TANC2: variants seen among roughly 807,000 people sequenced by gnomAD.
The protein encoded by TANC2 is protein TANC2.
In TANC2, 26 loss-of-function variants were observed where a neutral mutation model predicts 210.5. The ratio of observed to expected loss-of-function variants is 0.12; its 90% confidence interval spans 0.09 to 0.17. The LOEUF (loss-of-function observed/expected upper bound fraction) is 0.17, where lower values mean the gene tolerates loss of function less well. Ranked by LOEUF, TANC2 falls within the 10% of genes least tolerant of loss-of-function variation. TANC2 has a pLI of 1.00. For missense variants in TANC2, 2,129 were observed against 2,608.9 expected, an observed-to-expected ratio of 0.82 and a Z score of 4.01; for synonymous variants, 931 against 967.1, an observed-to-expected ratio of 0.96 and a Z score of 0.69.
intron 7 of TANC2, among the ~76,000 whole-genome samples, chr17:63,218,288 G>A (rs543260569): frequency 2.0e-5 from 3 of 151,790 alleles, no homozygotes; most frequent in Non-Finnish European, 2.9e-5. Context: ...AAAAAAAATC[G>A]ACAAAAAGTT....
intron 2 of TANC2, among the ~76,000 whole-genome samples, chr17:63,056,395 A>G (rs757305621): frequency 6.6e-6 from 1 of 152,010 alleles, no homozygotes; most frequent in Non-Finnish European, 1.5e-5. Context: ...AAAATTAAGG[A>G]TGCTGGGTGT....
chr17:63,019,852 C>T (rs74388947), intron 2 of TANC2, among the ~76,000 whole-genome samples: 2,456 of 152,134 alleles, frequency 0.016, 38 homozygotes, highest in Non-Finnish European at 0.019. Flanking sequence ...TTTGAGAGTT[C>T]GCTATATATT....
intron 2 of TANC2, among the ~76,000 whole-genome samples, chr17:63,058,132 G>A (rs1338591108): frequency 2.0e-5 from 3 of 152,294 alleles, no homozygotes; most frequent in Admixed American, 2.0e-4. Flanking sequence ...CATTCTGACT[G>A]TGTGAGATGG....
chr17:63,413,789 G>C (rs140101646), intron 25 of TANC2, among the ~76,000 whole-genome samples, 155 bp downstream of exon 25: 1 of 152,130 alleles, frequency 6.6e-6, no homozygotes, highest in Non-Finnish European at 1.5e-5. Flanking sequence ...GGGATCCTGG[G>C]GTTCTGCCTT....
chr17:63,160,435 A>G (rs1461806791), intron 5 of TANC2, among the ~76,000 whole-genome samples: 2 of 152,230 alleles, frequency 1.3e-5, no homozygotes, highest in African/African-American at 2.4e-5. Flanking sequence ...CATGTTTTGA[A>G]ATTGACTTTT....
intron 1 of TANC2, among the ~76,000 whole-genome samples, chr17:62,981,940 A>G (rs2032323204): frequency 6.6e-6 from 1 of 151,888 alleles, no homozygotes; most frequent in Non-Finnish European, 1.5e-5. Flanking sequence ...CTGTGGAGTC[A>G]GGATACATCA....
At chr17:63,183,028 T>C (rs1403447579) in intron 5 of TANC2, among the ~76,000 whole-genome samples, 1 of 152,118 alleles carries the variant, frequency 6.6e-6, no homozygotes, top group Non-Finnish European at 1.5e-5. Context: ...AGTCCCTATT[T>C]GTCTTAAACT....
chr17:62,973,153 C>T (rs2031806423), intron 1 of TANC2, among the ~76,000 whole-genome samples: 1 of 152,056 alleles, frequency 6.6e-6, no homozygotes, highest in Admixed American at 6.5e-5. Context: ...CCTCAGCCTC[C>T]TGAGTAGCTG....
chr17:63,337,389 T>G (rs1411778415), intron 11 of TANC2, among the ~76,000 whole-genome samples: 2 of 151,988 alleles, frequency 1.3e-5, no homozygotes, highest in African/African-American at 4.8e-5. Context: ...TTATTAATTT[T>G]TACAAGAAAA....
At chr17:63,328,384 G>GTT (rs2045724655) in intron 11 of TANC2, among the ~76,000 whole-genome samples, 1 of 150,272 alleles carries the variant, frequency 6.7e-6, no homozygotes, top group African/African-American at 2.5e-5. Context: ...ATATGTGTGT[G>GTT]TGTGTGTGTG....
At chr17:63,192,478 C>T (rs1410434279) in intron 5 of TANC2, among the ~76,000 whole-genome samples, 3 of 152,170 alleles carry the variant, frequency 2.0e-5, no homozygotes, top group Non-Finnish European at 2.9e-5. Context: ...GATTAACATG[C>T]TATGAGCAAT....
At chr17:63,139,029 C>T (rs1342283042) in intron 4 of TANC2, among the ~76,000 whole-genome samples, 2 of 152,172 alleles carry the variant, frequency 1.3e-5, no homozygotes, top group Non-Finnish European at 2.9e-5. Flanking sequence ...ATTGGCCCTT[C>T]TGAAAAGATG....
chr17:63,203,150 CTCA>C, intron 7 of TANC2, among the ~76,000 whole-genome samples: 1 of 152,268 alleles, frequency 6.6e-6, no homozygotes, highest in Middle Eastern at 3.4e-3. Flanking sequence ...AATTCACATT[CTCA>C]TCAGCAGTAT....
intron 3 of TANC2, among the ~76,000 whole-genome samples, chr17:63,076,915 C>A (rs1024312261): frequency 2.0e-5 from 3 of 152,002 alleles, no homozygotes; most frequent in Non-Finnish European, 2.9e-5. Flanking sequence ...CAGGATCAGT[C>A]CAGGAATTTC....
intron 4 of TANC2, among the ~76,000 whole-genome samples, chr17:63,105,124 C>T (rs545406189): frequency 6.6e-6 from 1 of 151,756 alleles, no homozygotes; most frequent in Non-Finnish European, 1.5e-5. Context: ...GAAACAATTA[C>T]GCTAAGTCAG....
At chr17:63,360,805 T>G (rs969125141) in intron 14 of TANC2, among the ~76,000 whole-genome samples, 1 of 152,138 alleles carries the variant, frequency 6.6e-6, no homozygotes, top group Non-Finnish European at 1.5e-5. Context: ...CTGACTACCC[T>G]TCCTAGCTGG....
chr17:63,166,745 G>C (rs770208150), intron 5 of TANC2, among the ~76,000 whole-genome samples: 21 of 152,110 alleles, frequency 1.4e-4, no homozygotes, highest in Admixed American at 1.1e-3. Context: ...ACCCATAACA[G>C]TGTTAGATCT....
intron 9 of TANC2, among the ~76,000 whole-genome samples, chr17:63,276,974 G>A (rs1299888940): frequency 1.3e-5 from 2 of 152,110 alleles, no homozygotes; most frequent in Non-Finnish European, 2.9e-5. Flanking sequence ...TGTACTCTGC[G>A]GTATTGGAGA....
chr17:63,169,555 G>C (rs1269458207), intron 5 of TANC2, among the ~76,000 whole-genome samples: 1 of 152,166 alleles, frequency 6.6e-6, no homozygotes, highest in Non-Finnish European at 1.5e-5. Context: ...GGCCGGGCAT[G>C]GTGGCTCATG....
Sources: gnomAD v4.1 joint callset for allele counts (sites outside exome capture counted in the v4.1 genomes callset) on GRCh38, gnomAD v4.1.1 for gene constraint, MANE v1.5 for transcripts, NCBI Gene and HGNC (gene_info 2026-07-23, HGNC 2026-07-21) for gene names.